Variants in NEDD9 observed in about 807,000 individuals in gnomAD.
NEDD9 encodes the protein neural precursor cell expressed, developmentally down-regulated 9, also known as enhancer of filamentation 1.
A neutral mutation model predicts 76.6 loss-of-function variants in NEDD9; 26 were observed. That is an observed-to-expected ratio of 0.34 (90% CI 0.25 to 0.47). The LOEUF is 0.47. Among genes scored for constraint, NEDD9 ranks in the 20% least tolerant of loss-of-function variants. The pLI is 1.00. For missense variants in NEDD9, 937 were observed against 1,058.5 expected, an observed-to-expected ratio of 0.89 and a Z score of 1.59; for synonymous variants, 392 against 414.2, an observed-to-expected ratio of 0.95 and a Z score of 0.65.
intron 3 of NEDD9, chr6:11,249,260 CTG>C: frequency 2.3e-6 from 1 of 435,212 alleles, no homozygotes; most frequent in Non-Finnish European, 4.6e-6. Context: ...TTAAGTTTGA[CTG>C]TGAGTAACAG....
chr6:11,222,547 G>A (rs1309229235), intron 1 of NEDD9, among the ~76,000 whole-genome samples: 3 of 152,200 alleles, frequency 2.0e-5, no homozygotes, highest in South Asian at 4.1e-4. Flanking sequence ...GTTCAGTGCC[G>A]AGGTGGAGAG....
At chr6:11,195,458 G>T (rs1473524061) in intron 2 of NEDD9, among the ~76,000 whole-genome samples, 3 of 147,912 alleles carry the variant, frequency 2.0e-5, no homozygotes, top group Admixed American at 6.7e-5. Context: ...TTATATGATT[G>T]TTTTTTTTTT....
intron 2 of NEDD9, among the ~76,000 whole-genome samples, chr6:11,307,049 T>C (rs749725131): frequency 9.8e-5 from 15 of 152,292 alleles, no homozygotes; most frequent in Admixed American, 7.2e-4. Flanking sequence ...TTTTTGAGAA[T>C]TGGTAATGTG....
chr6:11,205,758 C>G (rs991556680), intron 2 of NEDD9, among the ~76,000 whole-genome samples: 4 of 152,046 alleles, frequency 2.6e-5, no homozygotes, highest in Non-Finnish European at 2.9e-5. Context: ...TCCGAAGTAA[C>G]TCGGATTAAC....
intron 1 of NEDD9, among the ~76,000 whole-genome samples, chr6:11,347,882 C>A (rs1375030814): frequency 6.6e-6 from 1 of 152,098 alleles, no homozygotes. Flanking sequence ...AAAACTGGAG[C>A]AAGACAAGGA....
chr6:11,261,843 G>A (rs563164327), intron 3 of NEDD9, among the ~76,000 whole-genome samples: 22 of 152,084 alleles, frequency 1.4e-4, no homozygotes, highest in African/African-American at 4.6e-4. Flanking sequence ...AGAGCACTTC[G>A]GCCCAGCGGT....
intron 3 of NEDD9, among the ~76,000 whole-genome samples, chr6:11,267,162 T>C (rs571419317): frequency 6.6e-6 from 1 of 152,366 alleles, no homozygotes; most frequent in African/African-American, 2.4e-5. Context: ...TTTTCTGAAA[T>C]AGGTATCCCT....
intron 3 of NEDD9, among the ~76,000 whole-genome samples, chr6:11,299,041 C>T (rs1027805637): frequency 6.6e-6 from 1 of 152,176 alleles, no homozygotes; most frequent in Non-Finnish European, 1.5e-5. Context: ...GGGGCATTGC[C>T]TCATCAGGGA....
intron 1 of NEDD9, among the ~76,000 whole-genome samples, chr6:11,216,584 A>G (rs1316643356): frequency 6.6e-6 from 1 of 152,222 alleles, no homozygotes; most frequent in African/African-American, 2.4e-5. Flanking sequence ...CCATTATATG[A>G]TAAAGTTCTG....
intron 1 of NEDD9, among the ~76,000 whole-genome samples, chr6:11,337,326 T>G (rs933290609): frequency 6.6e-6 from 1 of 152,204 alleles, no homozygotes; most frequent in East Asian, 1.9e-4. Context: ...AATTGTACAC[T>G]CTAAAATAAT....
chr6:11,317,576 A>C (rs1761611590), intron 2 of NEDD9, among the ~76,000 whole-genome samples: 1 of 152,074 alleles, frequency 6.6e-6, no homozygotes, highest in Non-Finnish European at 1.5e-5. Context: ...CAATTAGATT[A>C]TGCAGATTCT....
chr6:11,363,289 TTGGGAGAAGTAGG>T (rs1196055974), intron 1 of NEDD9, among the ~76,000 whole-genome samples: 1 of 152,174 alleles, frequency 6.6e-6, no homozygotes, highest in African/African-American at 2.4e-5. Context: ...CTACTTTGCA[TTGGGAGAAGTAGG>T]TGGGAGAAAT....
rs1046881720 is a variant in NEDD9 at position 11,241,718 on chromosome 6, T to C, written c.13-27991A>G. On this transcript the variant is annotated intron_variant, in intron 3 of 3. Transcript: ENST00000397378. This position sits in a 1 kb window ranked among gnomAD's most constrained non-coding sequence, Gnocchi z 4.0. Reference sequence around the variant, plus strand: ...CTTCAGGGGTTGGAGATGCATTTTCTCCCCCTTGTGCCTTAAAAGAGCCCA... The same window carrying C: ...CTTCAGGGGTTGGAGATGCATTTTCCCCCCCTTGTGCCTTAAAAGAGCCCA... Among the ~76,000 whole-genome samples, 5 of 152,138 alleles carry C rather than the reference T, an allele frequency of 3.3e-5. No homozygotes were observed. Among genetic ancestry groups the C allele is most frequent in the African/African-American group, 1.2e-4 (5 of 41,492 alleles).
chr6:11,243,870 G>A (rs949644347), intron 3 of NEDD9, among the ~76,000 whole-genome samples: 2 of 152,200 alleles, frequency 1.3e-5, no homozygotes, highest in Non-Finnish European at 2.9e-5. Flanking sequence ...CCAGAGGCAT[G>A]TCATAAGCTC....
At chr6:11,275,543 CAT>C (rs1160094460) in intron 3 of NEDD9, among the ~76,000 whole-genome samples, 1 of 147,554 alleles carries the variant, frequency 6.8e-6, no homozygotes, top group Non-Finnish European at 1.5e-5. Context: ...AAAATACATA[CAT>C]ACACACACAC....
intron 1 of NEDD9, among the ~76,000 whole-genome samples, chr6:11,229,008 C>A (rs1387769266): frequency 6.6e-6 from 1 of 152,150 alleles, no homozygotes; most frequent in Non-Finnish European, 1.5e-5. Flanking sequence ...TTATGCATGA[C>A]CATATTGACT....
intron 2 of NEDD9, among the ~76,000 whole-genome samples, chr6:11,310,726 C>T (rs1371779874): frequency 1.3e-5 from 2 of 152,328 alleles, no homozygotes; most frequent in East Asian, 3.9e-4. Context: ...AAACTTTCCC[C>T]ATGTTTTTCA....
intron 3 of NEDD9, among the ~76,000 whole-genome samples, chr6:11,276,974 T>C (rs913483852): frequency 1.4e-5 from 2 of 139,264 alleles, no homozygotes; most frequent in Non-Finnish European, 3.1e-5. Flanking sequence ...AACAAACTAG[T>C]GATGGAAATG....
At chr6:11,259,294 C>T (rs1416617764) in intron 3 of NEDD9, among the ~76,000 whole-genome samples, 2 of 152,354 alleles carry the variant, frequency 1.3e-5, no homozygotes, top group South Asian at 2.1e-4. Context: ...AAAGACCTTT[C>T]GCTTCCAAAG....
Sources: gnomAD v4.1 joint callset for allele counts (sites outside exome capture counted in the v4.1 genomes callset) on GRCh38, gnomAD v4.1.1 for gene constraint, Gnocchi (gnomAD v3.1) non-coding constraint, MANE v1.5 for transcripts, NCBI Gene and HGNC (gene_info 2026-07-23, HGNC 2026-07-21) for gene names.